LAIR2: variants seen among roughly 807,000 people sequenced by gnomAD.
The protein encoded by LAIR2 is leukocyte-associated immunoglobulin-like receptor 2.
LAIR2 carries 14 observed loss-of-function variants against 14.8 expected under a neutral mutation model. The observed-to-expected ratio is 0.95, with a 90% CI of 0.62 to 1.48. The LOEUF (loss-of-function observed/expected upper bound fraction) is 1.48. LAIR2 is among the 40% of genes most tolerant of loss of function. The pLI is 0.00. For synonymous variants in LAIR2, 75 were observed against 74.5 expected (o/e 1.01, Z -0.03); for missense variants, 172 against 180.9 (o/e 0.95, Z 0.28).
chr19:54,506,021 CA>C (rs1223481542), intron 2 of LAIR2, among the ~76,000 whole-genome samples: 1 of 152,038 alleles, frequency 6.6e-6, no homozygotes, highest in East Asian at 1.9e-4. Context: ...GACGGGGATT[CA>C]CCATGTTGAT....
chr19:54,507,353 GTGAGCAGA>G (rs2085383634), intron 2 of LAIR2, among the ~76,000 whole-genome samples: 1 of 151,530 alleles, frequency 6.6e-6, no homozygotes, highest in Non-Finnish European at 1.5e-5. Context: ...GGCATCTGCT[GTGAGCAGA>G]TCAGGGCTGG....
intron 2 of LAIR2, among the ~76,000 whole-genome samples, chr19:54,506,659 C>T (rs973383018): frequency 6.6e-6 from 1 of 152,212 alleles, no homozygotes; most frequent in Admixed American, 6.5e-5. Flanking sequence ...TAGACGTCCA[C>T]CTCCAAAGGG....
rs375622805 is a variant in LAIR2 at position 54,507,945 on chromosome 19, G to T, written c.125G>T (p.Gly42Val). 56 of 1,613,986 alleles carry T rather than the reference G, an allele frequency of 3.5e-5. No individual in the cohort carries two copies. Among genetic ancestry groups the T allele is most frequent in the Non-Finnish European group, 4.7e-5 (55 of 1,180,018 alleles). The change falls in exon 3 of 5, where the codon GGG (glycine) becomes GTG (valine). Residue 42 changes from glycine to valine, a missense_variant. Around this residue, in one of 2 missense-constraint regions of LAIR2, gnomAD observed 161 missense variants for 149.0 expected, o/e 1.08. Coordinates refer to ENST00000301202, the MANE Select transcript of LAIR2 (RefSeq NM_002288.6). ...GAGCCAGGCACTGTGATCTCCCCGG[G>T]GAGCCATGTGACTTTCATGTGCCGG... ...SAEPGTVISP[G>V]SHVTFMCRGP...
In LAIR2 at chr19:54,502,851, G is replaced by A. The variant is rs543553623; in HGVS notation, c.-68G>A. On this transcript the variant is annotated 5_prime_UTR_variant, in exon 1 of 5. Transcript: ENST00000301202. The stretch of plus-strand genomic sequence containing the variant: ...GAGGCAGTTGCTGTGGAAGCCCCAC[G>A]GGCAGGAGGCCCCCGGCCAGCACAT... 2.6e-3 allele frequency: 4,218 copies of A among 1,598,910 alleles called. 21 individuals carry two copies. The highest frequency in any genetic ancestry group is 5.0e-3 in the African/African-American group (374 of 74,712).
chr19:54,507,843 G>A (rs1325070689), intron 2 of LAIR2, 48 bp from the exon 3 acceptor site: 2 of 1,549,820 alleles, frequency 1.3e-6, no homozygotes, highest in Non-Finnish European at 1.8e-6. Flanking sequence ...GTGTGGCATG[G>A]TGACTTCCTA....
chr19:54,507,980 G>C lies in LAIR2; in HGVS notation c.160G>C (p.Gly54Arg), dbSNP rs1210097503. Residue 54 changes from glycine (G) to arginine (R), a missense_variant, in exon 3 of 5, where the codon GGG becomes CGG. By Grantham distance (125) the Gly-to-Arg change is moderately radical (BLOSUM62 -2). Around this residue, in one of 2 missense-constraint regions of LAIR2, gnomAD observed 161 missense variants for 149.0 expected, o/e 1.08. Transcript: ENST00000301202. Reference sequence around the variant, plus strand: ...GACTTTCATGTGCCGGGGCCCGGTTGGGGTTCAAACATTCCGCCTGGAGAG... The same window carrying C: ...GACTTTCATGTGCCGGGGCCCGGTTCGGGTTCAAACATTCCGCCTGGAGAG... ...HVTFMCRGPV[G>R]VQTFRLERED... The C allele has an allele frequency of 1.2e-6, 2 of 1,614,050 alleles. No individual in the cohort carries two copies. Among genetic ancestry groups the C allele is most frequent in the Non-Finnish European group, 1.7e-6 (2 of 1,180,030 alleles).
Position 54,504,313 on chromosome 19 carries a change from G to A in LAIR2, c.70+578G>A, listed in dbSNP as rs144691484. ...ATAATTGTATATGTTTGTGGGGCAC[G>A]ATGTGATGTTACAACGTATGTAAAC... On this transcript the variant is annotated intron_variant, in intron 2 of 4. Coordinates refer to ENST00000301202, the MANE Select transcript of LAIR2 (RefSeq NM_002288.6). Among the ~76,000 whole-genome samples, 14 of 152,176 alleles carry A rather than the reference G, an allele frequency of 9.2e-5. No individual in the cohort carries two copies. In the East Asian group the frequency reaches 2.1e-3, roughly 23 times the overall value.
intron 2 of LAIR2, among the ~76,000 whole-genome samples, chr19:54,504,862 G>A (rs1311753101): frequency 5.9e-5 from 9 of 152,030 alleles, no homozygotes; most frequent in Admixed American, 1.3e-4. Context: ...CACCCACCTC[G>A]GCCACACAAA....
At chr19:54,507,864 T>C (rs753541254) in intron 2 of LAIR2, 27 bp from the exon 3 acceptor site, 1 of 1,602,048 alleles carries the variant, frequency 6.2e-7, no homozygotes, top group South Asian at 1.1e-5. Flanking sequence ...CAGTGGACGC[T>C]GAGATCCTTC....
intron 4 of LAIR2, among the ~76,000 whole-genome samples, chr19:54,509,693 G>A (rs2085434725): frequency 6.7e-6 from 1 of 149,972 alleles, no homozygotes. Context: ...AGCTGTGAAC[G>A]GTGACCAGGA....
At chr19:54,506,939 A>G (rs1198807462) in intron 2 of LAIR2, among the ~76,000 whole-genome samples, 11 of 151,998 alleles carry the variant, frequency 7.2e-5, no homozygotes, top group Non-Finnish European at 1.0e-4. Context: ...TTCTCACCAC[A>G]ACAATTAACT....
rs114344036 is a variant in LAIR2 at position 54,502,850 on chromosome 19, C to A, written c.-69C>A. The A allele has an allele frequency of 1.5e-4, 232 of 1,597,364 alleles. No individual in the cohort carries two copies. Among genetic ancestry groups the A allele is most frequent in the Admixed American group, 2.8e-4 (17 of 59,980 alleles). On this transcript the variant is annotated 5_prime_UTR_variant, in exon 1 of 5. Transcript: ENST00000301202. The stretch of plus-strand genomic sequence containing the variant: ...TGAGGCAGTTGCTGTGGAAGCCCCA[C>A]GGGCAGGAGGCCCCCGGCCAGCACA...
chr19:54,507,733 G>C (rs373444953), intron 2 of LAIR2, among the ~76,000 whole-genome samples, 158 bp from the exon 3 acceptor site: 3 of 131,878 alleles, frequency 2.3e-5, no homozygotes, highest in Admixed American at 7.5e-5. Flanking sequence ...CACGTAGAAG[G>C]TGCAGGAGGC....
At chr19:54,505,858 G>C (rs1051592032) in intron 2 of LAIR2, among the ~76,000 whole-genome samples, 1 of 131,540 alleles carries the variant, frequency 7.6e-6, no homozygotes, top group African/African-American at 2.9e-5. Flanking sequence ...TTTCATTCTT[G>C]TTGCCCAGGC....
intron 4 of LAIR2, among the ~76,000 whole-genome samples, chr19:54,510,183 TTCTC>T (rs1183167522): frequency 2.7e-3 from 384 of 143,716 alleles, no homozygotes; most frequent in African/African-American, 0.01. Context: ...TTGCCTCTGT[TTCTC>T]TCCCTCTCTT....
At chr19:54,509,715 G>A (rs2085435068) in intron 4 of LAIR2, among the ~76,000 whole-genome samples, 2 of 150,758 alleles carry the variant, frequency 1.3e-5, no homozygotes, top group Admixed American at 1.3e-4. Context: ...GAAGCCATGA[G>A]GCTTCCCTTC....
At chr19:54,507,214 G>T (rs1168180062) in intron 2 of LAIR2, among the ~76,000 whole-genome samples, 1 of 150,404 alleles carries the variant, frequency 6.6e-6, no homozygotes, top group African/African-American at 2.4e-5. Flanking sequence ...GATAAATGGG[G>T]TTTTTCAAGA....
intron 2 of LAIR2, among the ~76,000 whole-genome samples, chr19:54,507,542 T>C (rs2085387485): frequency 6.6e-6 from 1 of 151,858 alleles, no homozygotes; most frequent in Non-Finnish European, 1.5e-5. Context: ...ATCCCCATCG[T>C]GTGCCTCCCT....
chr19:54,506,790 G>T (rs1378701313), intron 2 of LAIR2, among the ~76,000 whole-genome samples: 1 of 152,184 alleles, frequency 6.6e-6, no homozygotes, highest in South Asian at 2.1e-4. Context: ...AAATGGGTGG[G>T]TTTGGGGAGA....
Sources: gnomAD v4.1 joint callset for allele counts (sites outside exome capture counted in the v4.1 genomes callset) on GRCh38, gnomAD v4.1.1 for gene constraint, gnomAD v4.1.1 regional missense constraint, MANE v1.5 for transcripts, NCBI Gene and HGNC (gene_info 2026-07-23, HGNC 2026-07-21) for gene names.